Variants in PRKN observed in about 807,000 individuals in gnomAD.
The protein encoded by PRKN is E3 ubiquitin-protein ligase parkin.
A neutral mutation model predicts 59.5 loss-of-function variants in PRKN; 56 were observed. The observed-to-expected ratio is 0.94, with a 90% confidence interval of 0.76 to 1.18. The LOEUF (loss-of-function observed/expected upper bound fraction) is 1.18, where lower values mean the gene tolerates loss of function less well. Among genes scored for constraint, PRKN ranks in the 50% most tolerant of loss-of-function variants. The pLI, the probability that PRKN is intolerant of heterozygous loss-of-function variation, is 0.00. For synonymous variants in PRKN, 250 were observed against 222.1 expected (o/e 1.13, Z -1.12); for missense variants, 657 against 596.4 (o/e 1.10, Z -1.06).
chr6:161,897,928 C>G (rs1223436860), intron 6 of PRKN, among the ~76,000 whole-genome samples: 3 of 115,492 alleles, frequency 2.6e-5, no homozygotes, highest in African/African-American at 6.9e-5. Context: ...GATCGCGCCA[C>G]TGCACTCCAG....
At chr6:161,489,232 GA>G (rs35552619) in intron 9 of PRKN, among the ~76,000 whole-genome samples, 65 of 147,622 alleles carry the variant, frequency 4.4e-4, no homozygotes, top group African/African-American at 1.3e-3. Flanking sequence ...ATTCATACTG[GA>G]AAAAAAAAAA....
At chr6:162,658,543 C>A (rs772024432) in intron 1 of PRKN, among the ~76,000 whole-genome samples, 2 of 151,586 alleles carry the variant, frequency 1.3e-5, no homozygotes, top group Non-Finnish European at 2.9e-5. Context: ...TGACTGTAAT[C>A]CCAGCTACTA....
intron 5 of PRKN, among the ~76,000 whole-genome samples, chr6:162,006,454 T>C (rs1782257438): frequency 6.6e-6 from 1 of 152,156 alleles, no homozygotes; most frequent in South Asian, 2.1e-4. Context: ...AACCAGATCA[T>C]ATTCTTCCCC....
rs1013437222 is a variant in PRKN, at chr6:161,681,082, T to G, written c.871+104690A>C. 3.3e-5 allele frequency among the ~76,000 whole-genome samples: 5 copies of G among 152,156 alleles called. No individual in the cohort carries two copies. The Middle Eastern group carries it at 0.014, about 414-fold the overall frequency. On this transcript the variant is annotated intron_variant, in intron 7 of 11. Coordinates refer to ENST00000366898, the MANE Select transcript of PRKN (RefSeq NM_004562.3). Reference sequence around the variant, plus strand: ...CTCAAGTGATTCTCCTGCCTCAGCCTCCCCAGTAGCTGGAATTACAGGCAC... The same window carrying G: ...CTCAAGTGATTCTCCTGCCTCAGCCGCCCCAGTAGCTGGAATTACAGGCAC...
intron 6 of PRKN, among the ~76,000 whole-genome samples, chr6:161,803,549 C>T (rs980061146): frequency 6.6e-6 from 1 of 152,328 alleles, no homozygotes; most frequent in African/African-American, 2.4e-5. Context: ...GAAACATCCA[C>T]ATTCACTGCC....
rs1292545823 is a variant in PRKN at position 161,378,740 on chromosome 6, C to A, written c.1167+8054G>T. Among the ~76,000 whole-genome samples, 5 of 152,218 alleles carry A rather than the reference C, an allele frequency of 3.3e-5. No individual in the cohort carries two copies. The highest frequency in any genetic ancestry group is 1.2e-4 in the African/African-American group (5 of 41,454). ...CCAGGCTTGCACGATGCCGCTGGAG[C>A]TGCACTGTGATGTGGGCGCTATCCT... On this transcript the variant is annotated intron_variant, in intron 10 of 11. Coordinates refer to ENST00000366898, the MANE Select transcript of PRKN (RefSeq NM_004562.3). The surrounding 1 kb of genome is among the most constrained non-coding windows in gnomAD (Gnocchi z 7.3).
intron 9 of PRKN, among the ~76,000 whole-genome samples, chr6:161,472,277 T>G (rs1276294673): frequency 6.6e-6 from 1 of 152,118 alleles, no homozygotes; most frequent in Non-Finnish European, 1.5e-5. Flanking sequence ...AGAGAGCAAG[T>G]CTTACTTGCA....
chr6:162,462,984 C>T (rs1472595499), intron 1 of PRKN, among the ~76,000 whole-genome samples: 4 of 151,926 alleles, frequency 2.6e-5, no homozygotes, highest in Non-Finnish European at 5.9e-5. Flanking sequence ...AGCCCAGCTA[C>T]TTGGGAGGCT....
At chr6:162,177,583 T>C (rs1180578937) in intron 4 of PRKN, among the ~76,000 whole-genome samples, 2 of 151,736 alleles carry the variant, frequency 1.3e-5, no homozygotes, top group South Asian at 2.1e-4. Flanking sequence ...CAGGTGTGTG[T>C]CAAAAAAAGA....
At chr6:162,718,763 T>C (rs937325956) in intron 1 of PRKN, among the ~76,000 whole-genome samples, 6 of 149,348 alleles carry the variant, frequency 4.0e-5, no homozygotes, top group African/African-American at 1.2e-4. Context: ...CAAAATAGAG[T>C]TCTAAAATGG....
At chr6:162,154,180 A>G (rs1219779147) in intron 4 of PRKN, among the ~76,000 whole-genome samples, 1 of 152,108 alleles carries the variant, frequency 6.6e-6, no homozygotes, top group Non-Finnish European at 1.5e-5. Context: ...ACAGTGGTCA[A>G]AGCCAGTGCT....
At chr6:162,064,286 A>T (rs1215206519) in intron 4 of PRKN, among the ~76,000 whole-genome samples, 1 of 152,234 alleles carries the variant, frequency 6.6e-6, no homozygotes, top group East Asian at 1.9e-4. Context: ...AAAAGAGATA[A>T]GGGAACTTTC....
At chr6:161,351,822 A>G (rs1784564192) in intron 11 of PRKN, among the ~76,000 whole-genome samples, 1 of 152,200 alleles carries the variant, frequency 6.6e-6, no homozygotes, top group Admixed American at 6.5e-5. Context: ...TAAATGGTGA[A>G]GACAATGATC....
At chr6:161,573,317 T>C (rs1217168443) in intron 7 of PRKN, among the ~76,000 whole-genome samples, 1 of 152,218 alleles carries the variant, frequency 6.6e-6, no homozygotes, top group Non-Finnish European at 1.5e-5. Context: ...TCTTGTACTT[T>C]CAGTTATATT....
At chr6:162,422,823 G>A (rs966202792) in intron 2 of PRKN, among the ~76,000 whole-genome samples, 9 of 152,020 alleles carry the variant, frequency 5.9e-5, no homozygotes, top group African/African-American at 2.2e-4. Context: ...GCGTGCACCA[G>A]TAGTCCCAGC....
intron 3 of PRKN, among the ~76,000 whole-genome samples, chr6:162,236,181 A>G (rs74417200): frequency 0.014 from 2,072 of 152,262 alleles, 25 homozygotes; most frequent in Non-Finnish European, 0.02. Flanking sequence ...TGGAACTGGA[A>G]GGGACATTAA....
chr6:162,226,579 G>A (rs1035037216), intron 3 of PRKN, among the ~76,000 whole-genome samples: 12 of 152,298 alleles, frequency 7.9e-5, no homozygotes, highest in South Asian at 2.1e-4. Flanking sequence ...CTGTTGCCAG[G>A]CTGGAGTGCA....
At chr6:162,470,945 G>A (rs909362140) in intron 1 of PRKN, among the ~76,000 whole-genome samples, 1 of 151,714 alleles carries the variant, frequency 6.6e-6, no homozygotes, top group African/African-American at 2.4e-5. Context: ...TAGAGATGGG[G>A]TGGGGCGGTT....
In PRKN at chr6:162,235,936, AG is replaced by A. The variant is rs1330162208; in HGVS notation, c.412+26588del. ...AAGGAAGGAAGGAAGGAAGGAAGGA[AG>A]GAAGGAAGGAAGGAAGAAAGGAAGA... is the stretch of plus-strand genomic sequence containing the variant. On this transcript the variant is annotated intron_variant, in intron 3 of 11. Transcript: ENST00000366898. Among the ~76,000 whole-genome samples, 469 of 101,256 alleles carry A rather than the reference AG, an allele frequency of 4.6e-3. 21 individuals carry two copies. Among genetic ancestry groups the A allele is most frequent in the African/African-American group, 0.02 (396 of 20,000 alleles). 66.4% of individuals were successfully genotyped at this position (101,256 alleles called of 152,430 possible).
Sources: allele counts gnomAD v4.1 joint callset (sites outside exome capture counted in the v4.1 genomes callset), GRCh38; gene constraint gnomAD v4.1.1; non-coding constraint Gnocchi (gnomAD v3.1); transcripts MANE v1.5; gene names NCBI Gene and HGNC (gene_info 2026-07-23, HGNC 2026-07-21).